NUP107: variants seen among roughly 807,000 people sequenced by gnomAD.
NUP107 encodes nucleoporin 107, also known as nuclear pore complex protein Nup107.
Under a neutral mutation model 141.0 loss-of-function variants are expected in NUP107, and 101 were observed. The ratio of observed to expected loss-of-function variants is 0.72; its 90% confidence interval spans 0.61 to 0.84. NUP107 has a LOEUF of 0.84. Among genes scored for constraint, NUP107 ranks in the 40% least tolerant of loss-of-function variants. NUP107 has a pLI of 0.00. For missense variants in NUP107, 941 were observed against 1,102.7 expected, an observed-to-expected ratio of 0.85 and a Z score of 2.08; for synonymous variants, 319 against 363.9, an observed-to-expected ratio of 0.88 and a Z score of 1.41.
intron 15 of NUP107, 34 bp from the exon 16 acceptor site, chr12:68,721,807 G>A: frequency 1.2e-6 from 2 of 1,601,858 alleles, no homozygotes; most frequent in Non-Finnish European, 1.7e-6. Flanking sequence ...TGTTGAATAT[G>A]TCTATATGTT....
chr12:68,732,241 C>T (rs935941672), intron 22 of NUP107, among the ~76,000 whole-genome samples: 2 of 152,176 alleles, frequency 1.3e-5, no homozygotes, highest in Non-Finnish European at 2.9e-5. Flanking sequence ...AGGCTCAAGC[C>T]ACCCTCCCTC....
At chr12:68,727,572 G>A (rs1006257843) in intron 20 of NUP107, among the ~76,000 whole-genome samples, 183 bp downstream of exon 20, 10 of 151,942 alleles carry the variant, frequency 6.6e-5, no homozygotes, top group South Asian at 4.2e-4. Context: ...CCACCGCCCC[G>A]CACAATCAAA....
chr12:68,705,970 C>G (rs1876559755), intron 8 of NUP107: 1 of 900,684 alleles, frequency 1.1e-6, no homozygotes, highest in African/African-American at 1.6e-5. Flanking sequence ...ACAGTTCCTG[C>G]AGCAGCAGAA....
chr12:68,726,582 A>G lies in NUP107; in HGVS notation c.1660A>G (p.Ile554Val). The G allele has an allele frequency of 6.2e-7, 1 of 1,613,750 alleles. No individual in the cohort carries two copies. The highest frequency in any genetic ancestry group is 1.3e-5 in the African/African-American group (1 of 75,016). Residue 554 changes from isoleucine (I) to valine (V), a missense_variant, in exon 19 of 28, where the codon ATT (isoleucine) becomes GTT (valine). By Grantham distance (29) the Ile-to-Val change is conservative. Transcript: ENST00000229179. ...GHLLRFMTHL[I>V]LFFRTLGLQT... is the part of the protein sequence containing the mutation. ...CCTGCTTCGCTTTATGACTCACCTTATTTTGTTTTTCCGTACTCTGGGACT... is the reference window on the plus strand; with the variant it reads ...CCTGCTTCGCTTTATGACTCACCTTGTTTTGTTTTTCCGTACTCTGGGACT...
intron 11 of NUP107, among the ~76,000 whole-genome samples, chr12:68,714,988 A>G (rs907139800): frequency 6.6e-6 from 1 of 152,204 alleles, no homozygotes; most frequent in African/African-American, 2.4e-5. Flanking sequence ...AAACTTGACC[A>G]TGTAGCTGCT....
rs34419512 is a variant in NUP107, at chr12:68,691,705, G to A, written c.304-263G>A. On this transcript the variant is annotated intron_variant, in intron 4 of 27. Transcript: ENST00000229179. ...AAAAATTAGCCAGGCGTGGTGGCAC[G>A]TGCCTGTAGTCCCAGCTACTTGGGA... Among the ~76,000 whole-genome samples the A allele has an allele frequency of 0.034, 5,224 of 152,006 alleles. 131 individuals are homozygous for A. The highest frequency in any genetic ancestry group is 0.06 in the African/African-American group (2,486 of 41,468).
chr12:68,729,086 T>C (rs1592518241), intron 20 of NUP107, among the ~76,000 whole-genome samples: 1 of 152,346 alleles, frequency 6.6e-6, no homozygotes, highest in African/African-American at 2.4e-5. Flanking sequence ...TACTTTTTAT[T>C]GCAGTATGCA....
In NUP107 at chr12:68,689,136, A is replaced by G. The variant is rs1875652725; in HGVS notation, c.100+83A>G. On this transcript the variant is annotated intron_variant, in intron 2 of 27. Transcript: ENST00000229179. ...TGTAGAATTTTCTTTTTATAAGAGT[A>G]TTAAATGGTAGCTATAATAAAATCC... 4.9e-6 allele frequency: 5 copies of G among 1,016,604 alleles called. 1 individual carries two copies. The highest frequency in any genetic ancestry group is 5.2e-5 in the East Asian group (2 of 38,498). The allele number at this position is 1,016,604 out of a possible 1,614,324, so 63.0% of individuals were successfully genotyped here.
intron 17 of NUP107, among the ~76,000 whole-genome samples, chr12:68,723,937 G>A (rs1050439234): frequency 2.9e-4 from 44 of 152,126 alleles, no homozygotes; most frequent in African/African-American, 1.1e-3. Flanking sequence ...TGCTTTTTCT[G>A]TCAAGAGTTT....
chr12:68,702,677 G>T (rs1876388457), intron 7 of NUP107, 59 bp from the exon 8 acceptor site: 15 of 1,196,880 alleles, frequency 1.3e-5, no homozygotes, highest in Admixed American at 2.5e-5. Flanking sequence ...ATGCTCAGTG[G>T]CAAGTTCATT....
rs1309295490 is a variant in NUP107, at chr12:68,700,710, T to C, written c.553-16T>C. 6.4e-6 allele frequency: 10 copies of C among 1,562,300 alleles called. No individual in the cohort carries two copies. The highest frequency in any genetic ancestry group is 3.4e-4 in the Middle Eastern group (2 of 5,856). ...TGTAGAAAATTAACCTCTTTACATC[T>C]GTGTTTTTTATTCAGGTGAATATAC... On this transcript the variant is annotated splice_polypyrimidine_tract_variant and intron_variant, in intron 6 of 27. Coordinates refer to ENST00000229179, the MANE Select transcript of NUP107 (RefSeq NM_020401.4).
intron 6 of NUP107, among the ~76,000 whole-genome samples, chr12:68,699,288 G>A (rs1337215654): frequency 2.0e-5 from 3 of 152,058 alleles, no homozygotes; most frequent in East Asian, 1.9e-4. Context: ...TGGGAGAATC[G>A]CTTGAACCCG....
rs1876570290 is a variant in NUP107 at position 68,706,157 on chromosome 12, T to G, written c.730-3081T>G. ...TAACATGCAGGGGCTGGTGGAGGAC[T>G]TCAAGAACAAGTACGAGGATGATAT... is the stretch of plus-strand genomic sequence containing the variant. On this transcript the variant is annotated intron_variant, in intron 8 of 27. Transcript: ENST00000229179. 7.8e-6 allele frequency: 6 copies of G among 767,170 alleles called. No homozygotes were observed. In the East Asian group the frequency reaches 1.5e-4, roughly 19 times the overall value. 47.5% of individuals were successfully genotyped at this position (767,170 alleles called of 1,614,324 possible).
chr12:68,716,457 C>G (rs1393562014), intron 12 of NUP107, among the ~76,000 whole-genome samples: 2 of 151,796 alleles, frequency 1.3e-5, no homozygotes, highest in Non-Finnish European at 2.9e-5. Flanking sequence ...TCGTGAACAC[C>G]TGGGCTCAAG....
chr12:68,707,231 A>G (rs1427552862), intron 8 of NUP107, among the ~76,000 whole-genome samples: 1 of 152,162 alleles, frequency 6.6e-6, no homozygotes, highest in Non-Finnish European at 1.5e-5. Context: ...CCCCTTGCCC[A>G]TGCCTACAGC....
intron 14 of NUP107, among the ~76,000 whole-genome samples, chr12:68,720,507 T>C (rs1877307719): frequency 6.6e-6 from 1 of 152,044 alleles, no homozygotes; most frequent in Non-Finnish European, 1.5e-5. Context: ...TTTCCTAGGA[T>C]AGTATTGATG....
chr12:68,736,554 C>G (rs891096620), intron 26 of NUP107, among the ~76,000 whole-genome samples: 1 of 151,792 alleles, frequency 6.6e-6, no homozygotes, highest in Non-Finnish European at 1.5e-5. Context: ...GTAGCTAGGA[C>G]AACAAGCACA....
rs138414891 is a variant in NUP107, at chr12:68,690,700, C to T, written c.257C>T (p.Ser86Leu). 38 of 1,614,040 alleles carry T rather than the reference C, an allele frequency of 2.4e-5. No homozygotes were observed. Among genetic ancestry groups the T allele is most frequent in the East Asian group, 2.2e-4 (10 of 44,898 alleles). Residue 86 changes from serine (S) to leucine (L), a missense_variant, in exon 4 of 28, where the codon TCG becomes TTG. Coordinates refer to ENST00000229179, the MANE Select transcript of NUP107 (RefSeq NM_020401.4). Reference sequence around the variant, plus strand: ...TGCATTCTTGGAACAGGAGGGAAGTCGCCCCGACTTACGCAGTCTTCAGGG... The same window carrying T: ...TGCATTCTTGGAACAGGAGGGAAGTTGCCCCGACTTACGCAGTCTTCAGGG... ...ISCILGTGGKSPRLTQSSGFF... is the reference protein window; with the variant it reads ...ISCILGTGGKLPRLTQSSGFF...
At position 68,727,612 on chromosome 12, in the gene NUP107, A is replaced by C. The variant is rs10878860; in HGVS notation, c.1734+223A>C. 0.15 allele frequency among the ~76,000 whole-genome samples: 22,712 copies of C among 152,100 alleles called. 2,137 individuals carry two copies. Among genetic ancestry groups the C allele is most frequent in the East Asian group, 0.29 (1,510 of 5,170 alleles). ...CACTATAACTTTTGACTCCCCAAAA[A>C]CCTAACTACTGATACCCTACTGCTG... is the stretch of plus-strand genomic sequence containing the variant. On this transcript the variant is annotated intron_variant, in intron 20 of 27. Coordinates refer to ENST00000229179, the MANE Select transcript of NUP107 (RefSeq NM_020401.4).
Sources: gnomAD v4.1 joint callset for allele counts (sites outside exome capture counted in the v4.1 genomes callset) on GRCh38, gnomAD v4.1.1 for gene constraint, MANE v1.5 for transcripts, NCBI Gene and HGNC (gene_info 2026-07-23, HGNC 2026-07-21) for gene names.